FAM210A: variants seen among roughly 807,000 people sequenced by gnomAD.
FAM210A encodes the protein mitochondrial inner membrane scaffold 1.
A neutral mutation model predicts 25.3 loss-of-function variants in FAM210A; 13 were observed. That is an observed-to-expected ratio of 0.51 (90% CI 0.33 to 0.82). FAM210A has a LOEUF of 0.82. FAM210A is among the 40% of genes least tolerant of loss of function. The pLI, the probability that FAM210A is intolerant of heterozygous loss-of-function variation, is 0.02. For missense variants in FAM210A, 319 were observed against 323.2 expected, an observed-to-expected ratio of 0.99 and a Z score of 0.10; for synonymous variants, 125 against 118.7, an observed-to-expected ratio of 1.05 and a Z score of -0.35.
intron 1 of FAM210A, among the ~76,000 whole-genome samples, chr18:13,712,586 A>G (rs775284394): frequency 3.9e-5 from 6 of 152,090 alleles, no homozygotes; most frequent in Admixed American, 1.3e-4. Context: ...ACCTTATAAA[A>G]AGAGACTCAA....
chr18:13,722,834 C>T (rs181231683), intron 1 of FAM210A, among the ~76,000 whole-genome samples: 75 of 141,318 alleles, frequency 5.3e-4, no homozygotes, highest in Admixed American at 3.0e-3. Context: ...CTTAAGCTCC[C>T]CTTTTCTTTC....
At chr18:13,703,891 T>A (rs893771344) in intron 1 of FAM210A, among the ~76,000 whole-genome samples, 1 of 152,216 alleles carries the variant, frequency 6.6e-6, no homozygotes, top group Non-Finnish European at 1.5e-5. Context: ...ATTGTGCAGG[T>A]CAGATATTAG....
chr18:13,677,310 G>A (rs369939960), intron 2 of FAM210A, among the ~76,000 whole-genome samples: 3 of 152,284 alleles, frequency 2.0e-5, no homozygotes, highest in Admixed American at 1.3e-4. Flanking sequence ...TCCTGACCTT[G>A]TGATCCGCCC....
chr18:13,673,032 T>C (rs996832114), intron 2 of FAM210A, among the ~76,000 whole-genome samples: 2 of 152,208 alleles, frequency 1.3e-5, no homozygotes, highest in African/African-American at 4.8e-5. Flanking sequence ...ATTATTAACA[T>C]TCCTGAGCCC....
chr18:13,719,783 A>G (rs997205594), intron 1 of FAM210A, among the ~76,000 whole-genome samples: 1 of 152,192 alleles, frequency 6.6e-6, no homozygotes, highest in Non-Finnish European at 1.5e-5. Context: ...AAAATTCTAC[A>G]ATCACATTTA....
intron 2 of FAM210A, among the ~76,000 whole-genome samples, chr18:13,675,294 C>T (rs1415435382): frequency 7.7e-4 from 81 of 105,384 alleles, no homozygotes; most frequent in African/African-American, 2.7e-3. Flanking sequence ...ATTAACATTC[C>T]TGAGACCCGA....
Position 13,681,925 on chromosome 18 carries a change from A to T in FAM210A, c.153T>A (p.Pro51=). 6.2e-7 allele frequency: 1 copy of T among 1,614,160 alleles called. No homozygotes were observed. The highest frequency in any genetic ancestry group is 8.5e-7 in the Non-Finnish European group (1 of 1,180,018). ...CAGATAAATGCAACCATTGTTTTTG[A>T]GGGCCTTGTACCAAAACCACTTTGG... ...AESKVVLVQG[P]QKQWLHLSAA... is the part of the protein sequence containing the mutation. The change falls in exon 2 of 4, where the codon CCT becomes CCA. Residue 51 remains proline (P), a synonymous_variant. Transcript: ENST00000651643.
intron 1 of FAM210A, among the ~76,000 whole-genome samples, chr18:13,717,547 T>C (rs2043870743): frequency 6.7e-6 from 1 of 149,978 alleles, no homozygotes; most frequent in African/African-American, 2.5e-5. Context: ...GTCAGCTGCA[T>C]GACAGACTGT....
intron 1 of FAM210A, among the ~76,000 whole-genome samples, chr18:13,704,571 T>C (rs2043764017): frequency 6.6e-6 from 1 of 152,198 alleles, no homozygotes; most frequent in Non-Finnish European, 1.5e-5. Context: ...AAATTTCAGC[T>C]TCAAAATTGT....
In FAM210A at chr18:13,665,839, C is replaced by A. The variant is rs1269646816; in HGVS notation, c.*641G>T. 2 of 152,170 alleles carry A rather than the reference C, an allele frequency of 1.3e-5. No homozygotes were observed. The highest frequency in any genetic ancestry group is 2.4e-5 in the African/African-American group (1 of 41,386). 9.4% of individuals were successfully genotyped at this position (152,170 alleles called of 1,614,324 possible). A position where few individuals can be genotyped will look rare whatever the true frequency, so the allele number is the denominator to read the frequency against. On this transcript the variant is annotated 3_prime_UTR_variant, in exon 4 of 4. Transcript: ENST00000651643. ...TATATTTGCTTTAAAAAAATTATGA[C>A]AAGCTTCAGGTAAAAATAATTTTTA...
chr18:13,671,599 G>A (rs1012072249), intron 3 of FAM210A, among the ~76,000 whole-genome samples: 13 of 149,570 alleles, frequency 8.7e-5, no homozygotes, highest in African/African-American at 3.2e-4. Context: ...TGAGGTAGGA[G>A]AATCACTTTA....
intron 1 of FAM210A, among the ~76,000 whole-genome samples, chr18:13,686,881 C>G (rs950139696): frequency 2.0e-5 from 3 of 152,064 alleles, no homozygotes; most frequent in Non-Finnish European, 4.4e-5. Flanking sequence ...ATTCAGAAAA[C>G]AGAGGCAGAG....
chr18:13,677,296 G>T (rs1480768192), intron 2 of FAM210A, among the ~76,000 whole-genome samples: 2 of 152,114 alleles, frequency 1.3e-5, no homozygotes, highest in Non-Finnish European at 2.9e-5. Context: ...GGATGGTCTG[G>T]ATCTCCTGAC....
At position 13,666,731 on chromosome 18, in the gene FAM210A, C is replaced by G. The variant is rs1459951771; in HGVS notation, c.586-18G>C. ...GTTGCAATCTTAAGCAAAAAGCAAA[C>G]AGAGGCAAATCAAAACCTGGTTATT... On this transcript the variant is annotated intron_variant, in intron 3 of 3. Coordinates refer to ENST00000651643, the MANE Select transcript of FAM210A (RefSeq NM_152352.4). The G allele has an allele frequency of 1.3e-6, 2 of 1,599,264 alleles. No individual in the cohort carries two copies. Among genetic ancestry groups the G allele is most frequent in the East Asian group, 2.2e-5 (1 of 44,460 alleles).
chr18:13,671,523 C>T (rs1229151015), intron 3 of FAM210A, among the ~76,000 whole-genome samples: 1 of 151,948 alleles, frequency 6.6e-6, no homozygotes, highest in Non-Finnish European at 1.5e-5. Flanking sequence ...GGCATTTCTT[C>T]CTAAAACCAC....
intron 1 of FAM210A, among the ~76,000 whole-genome samples, chr18:13,700,584 C>T (rs1768682876): frequency 1.3e-5 from 2 of 152,210 alleles, no homozygotes; most frequent in African/African-American, 4.8e-5. Context: ...CCTCTCACTT[C>T]TCGATTAATC....
intron 1 of FAM210A, among the ~76,000 whole-genome samples, chr18:13,698,854 G>A (rs1369140548): frequency 6.6e-6 from 1 of 152,146 alleles, no homozygotes; most frequent in Non-Finnish European, 1.5e-5. Flanking sequence ...ACTCCAGCCT[G>A]TAAGCGGCAG....
chr18:13,709,962 GC>G (rs1180281911), intron 1 of FAM210A, among the ~76,000 whole-genome samples: 1 of 152,208 alleles, frequency 6.6e-6, no homozygotes, highest in Admixed American at 6.5e-5. Context: ...CTTGCTGCTA[GC>G]CTTACTAGCT....
At chr18:13,699,882 A>C (rs1219973636) in intron 1 of FAM210A, among the ~76,000 whole-genome samples, 2 of 152,132 alleles carry the variant, frequency 1.3e-5, no homozygotes, top group Non-Finnish European at 2.9e-5. Context: ...TCCTTCATCT[A>C]AACTTTTGCC....
Sources: gnomAD v4.1 joint callset for allele counts (sites outside exome capture counted in the v4.1 genomes callset) on GRCh38, gnomAD v4.1.1 for gene constraint, MANE v1.5 for transcripts, NCBI Gene and HGNC (gene_info 2026-07-23, HGNC 2026-07-21) for gene names.